PCNX1: variants seen among roughly 807,000 people sequenced by gnomAD.
The protein encoded by PCNX1 is pecanex 1.
In PCNX1, 78 loss-of-function variants were observed where a neutral mutation model predicts 242.2. The observed-to-expected ratio is 0.32, with a 90% CI of 0.27 to 0.39. PCNX1 has a LOEUF of 0.39. Ranked by LOEUF, PCNX1 falls within the 10% of genes least tolerant of loss-of-function variation. The pLI is 1.00. For missense variants in PCNX1, 2,581 were observed against 2,856.5 expected, an observed-to-expected ratio of 0.90 and a Z score of 2.20; for synonymous variants, 1,024 against 1,032.9, an observed-to-expected ratio of 0.99 and a Z score of 0.17.
At position 70,991,868 on chromosome 14, in the gene PCNX1, A is replaced by G. The variant is rs534834154; in HGVS notation, c.2444+3169A>G. On this transcript the variant is annotated intron_variant, in intron 7 of 35. Coordinates refer to ENST00000304743, the MANE Select transcript of PCNX1 (RefSeq NM_014982.3). ...GTAGATGTGGCAACACTTTCATTAC[A>G]AGTGCTATATAAATACTAGTAAATA... Among the ~76,000 whole-genome samples the G allele has an allele frequency of 3.3e-5, 5 of 152,330 alleles. No individual in the cohort carries two copies. The South Asian group carries it at 1.0e-3, about 32-fold the overall frequency.
intron 30 of PCNX1, among the ~76,000 whole-genome samples, chr14:71,099,044 A>G (rs900758450): frequency 6.6e-6 from 1 of 152,158 alleles, no homozygotes; most frequent in African/African-American, 2.4e-5. Context: ...CGCAAAAGTC[A>G]TTCACAAGAA....
intron 3 of PCNX1, among the ~76,000 whole-genome samples, chr14:70,967,222 A>G (rs905885018): frequency 4.6e-5 from 7 of 152,228 alleles, no homozygotes; most frequent in Admixed American, 6.5e-5. Context: ...TGTCCCTTCA[A>G]AGTCAACATT....
In PCNX1 at chr14:71,018,894, A is replaced by C; in HGVS notation, c.2997-115A>C. ...AAAACCTTGTTCAAACTCAGTACCA[A>C]AAAGACATCTTGGCATACCATGAAC... On this transcript the variant is annotated intron_variant, in intron 11 of 35. Transcript: ENST00000304743. 3 of 848,524 alleles carry C rather than the reference A, an allele frequency of 3.5e-6. No homozygotes were observed. The South Asian group carries it at 6.1e-5, about 17-fold the overall frequency. The allele number at this position is 848,524 out of a possible 1,614,324, so 52.6% of individuals were successfully genotyped here. A position where few individuals can be genotyped will look rare whatever the true frequency, so the allele number is the denominator to read the frequency against.
At chr14:70,930,039 GT>G (rs370922208) in intron 1 of PCNX1, among the ~76,000 whole-genome samples, 8 of 151,938 alleles carry the variant, frequency 5.3e-5, no homozygotes, top group Non-Finnish European at 7.4e-5. Flanking sequence ...TATTTGTTGG[GT>G]TTTTTTCTTC....
rs542246464 is a variant in PCNX1 at position 71,060,976 on chromosome 14, CTG to C, written c.4852+3254_4852+3255del. On this transcript the variant is annotated intron_variant, in intron 26 of 35. Coordinates refer to ENST00000304743, the MANE Select transcript of PCNX1 (RefSeq NM_014982.3). ...ATGTGAAAGCTGGTGAGTGGTGAGTCTGTAAATGCTGATGTGAAAGCAGCTGA... is the reference window on the plus strand; with the variant it reads ...ATGTGAAAGCTGGTGAGTGGTGAGTCTAAATGCTGATGTGAAAGCAGCTGA... Among the ~76,000 whole-genome samples, 3 of 152,226 alleles carry C rather than the reference CTG, an allele frequency of 2.0e-5. No individual in the cohort carries two copies. In the South Asian group the frequency reaches 6.2e-4, roughly 32 times the overall value.
At position 71,111,640 on chromosome 14, in the gene PCNX1, A is replaced by C. The variant is rs2062755332; in HGVS notation, c.*1705A>C. The stretch of plus-strand genomic sequence containing the variant: ...ACATTATAGCATAACATTACAGTAG[A>C]AGGAATGAAAACTAAGAAAGTAAAT... On this transcript the variant is annotated 3_prime_UTR_variant, in exon 36 of 36. Coordinates refer to ENST00000304743, the MANE Select transcript of PCNX1 (RefSeq NM_014982.3). The C allele has an allele frequency of 2.6e-5, 4 of 152,262 alleles. No individual in the cohort carries two copies. Among genetic ancestry groups the C allele is most frequent in the Admixed American group, 1.3e-4 (2 of 15,298 alleles). The allele number at this position is 152,262 out of a possible 1,614,324, so 9.4% of individuals were successfully genotyped here.
In PCNX1 at chr14:70,988,692, C is replaced by T. The variant is rs1257025873; in HGVS notation, c.2437C>T (p.Pro813Ser). 12 of 1,612,958 alleles carry T rather than the reference C, an allele frequency of 7.4e-6. No homozygotes were observed. The highest frequency in any genetic ancestry group is 9.3e-6 in the Non-Finnish European group (11 of 1,179,094). ...CCCTCCTACATTGCTCATCGGATCA[C>T]CCCTAAGGTATGGTATTTTCAATTC... ...PTPPTLLIGS[P>S]LSLQDGQQGQ... The change falls in exon 7 of 36, where the codon CCC becomes TCC. Residue 813 changes from proline (P) to serine (S), a missense_variant. Pro to Ser is a moderately conservative substitution (Grantham distance 74, BLOSUM62 -1). This residue lies in a region of PCNX1 where 1,204 missense variants were observed against 1,216.7 expected (regional missense o/e 0.99). Coordinates refer to ENST00000304743, the MANE Select transcript of PCNX1 (RefSeq NM_014982.3).
intron 1 of PCNX1, among the ~76,000 whole-genome samples, chr14:70,943,867 G>A (rs2057360567): frequency 6.6e-6 from 1 of 152,228 alleles, no homozygotes; most frequent in Admixed American, 6.5e-5. Flanking sequence ...CCAATGTGCA[G>A]CTCAGGCTGT....
chr14:71,048,940 T>C, intron 22 of PCNX1: 1 of 453,994 alleles, frequency 2.2e-6, no homozygotes, highest in Non-Finnish European at 2.9e-6. Flanking sequence ...TTCAATATTA[T>C]ATCTGTTCAG....
Position 71,050,734 on chromosome 14 carries a change from CT to C in PCNX1, c.4425del (p.Phe1475LeufsTer27). On this transcript the variant is annotated frameshift_variant, in exon 23 of 36. Coordinates refer to ENST00000304743, the MANE Select transcript of PCNX1 (RefSeq NM_014982.3). LOFTEE classifies it high-confidence loss of function. The part of the protein sequence containing the change: ...WQITWGSAFH[A>X]FAQPFAVPHS... The stretch of plus-strand genomic sequence containing the variant: ...ATCACATGGGGTTCTGCTTTCCATG[CT>C]TTTGCTCAGCCTTTTGCAGTGCCTC... The C allele has an allele frequency of 6.2e-7, 1 of 1,613,586 alleles. No individual in the cohort carries two copies. The highest frequency in any genetic ancestry group is 8.5e-7 in the Non-Finnish European group (1 of 1,179,798).
At chr14:70,962,662 A>T (rs2058258554) in intron 3 of PCNX1, among the ~76,000 whole-genome samples, 1 of 138,952 alleles carries the variant, frequency 7.2e-6, no homozygotes. Context: ...GGTTACCCCC[A>T]GTTTAAACGT....
chr14:70,967,845 T>C (rs995644236), intron 3 of PCNX1, among the ~76,000 whole-genome samples: 1 of 152,146 alleles, frequency 6.6e-6, no homozygotes, highest in Non-Finnish European at 1.5e-5. Flanking sequence ...TAAAGCCTGG[T>C]TTTGCTTTTG....
chr14:71,026,798 T>G lies in PCNX1; in HGVS notation c.3382T>G (p.Phe1128Val). 1 of 1,541,280 alleles carries G rather than the reference T, an allele frequency of 6.5e-7. No individual in the cohort carries two copies. Among genetic ancestry groups the G allele is most frequent in the South Asian group, 1.1e-5 (1 of 88,882 alleles). Residue 1128 changes from phenylalanine (F) to valine (V), a missense_variant, in exon 15 of 36, where the codon TTT (phenylalanine) becomes GTT (valine). By Grantham distance (50) the Phe-to-Val change is conservative. Around this residue, in one of 9 missense-constraint regions of PCNX1, gnomAD observed 432 missense variants for 443.1 expected, o/e 0.97. Coordinates refer to ENST00000304743, the MANE Select transcript of PCNX1 (RefSeq NM_014982.3). Reference sequence around the variant, plus strand: ...GTTTACACTCTGTTTCCCAATAGTGTTTTTCATTGGTCTCCTGCCTCAGGT... The same window carrying G: ...GTTTACACTCTGTTTCCCAATAGTGGTTTTCATTGGTCTCCTGCCTCAGGT... Reference protein sequence around the residue: ...IVFTLCFPIVFFIGLLPQVNT... With the variant: ...IVFTLCFPIVVFIGLLPQVNT...
chr14:71,108,802 C>G lies in PCNX1; in HGVS notation c.6500C>G (p.Ser2167Cys). The G allele has an allele frequency of 6.2e-7, 1 of 1,614,272 alleles. No individual in the cohort carries two copies. Among genetic ancestry groups the G allele is most frequent in the Non-Finnish European group, 8.5e-7 (1 of 1,180,046 alleles). The part of the protein sequence containing the change: ...SLRNLPSSIQ[S>C]RLSMVNQMEP... ...CGAAACTTGCCATCATCCATCCAATCCCGACTGTCGATGGTGAACCAAATG... is the reference window on the plus strand; with the variant it reads ...CGAAACTTGCCATCATCCATCCAATGCCGACTGTCGATGGTGAACCAAATG... Residue 2167 changes from serine (S) to cysteine (C), a missense_variant, in exon 34 of 36, where the codon TCC becomes TGC. Around this residue, in one of 9 missense-constraint regions of PCNX1, gnomAD observed 432 missense variants for 433.6 expected, o/e 1.00. Coordinates refer to ENST00000304743, the MANE Select transcript of PCNX1 (RefSeq NM_014982.3).
At chr14:70,923,905 TGTC>T (rs1394549458) in intron 1 of PCNX1, among the ~76,000 whole-genome samples, 2 of 152,282 alleles carry the variant, frequency 1.3e-5, no homozygotes, top group Middle Eastern at 3.4e-3. Flanking sequence ...AGGATTGCTT[TGTC>T]AAAGGGCTAA....
intron 18 of PCNX1, among the ~76,000 whole-genome samples, chr14:71,035,384 T>C (rs1249891204): frequency 6.6e-6 from 1 of 152,240 alleles, no homozygotes. Context: ...ATTTCTTTGG[T>C]ATTACAGTGT....
rs146298176 is a variant in PCNX1, at chr14:70,953,959, G to A, written c.362+6836G>A. On this transcript the variant is annotated intron_variant, in intron 2 of 35. Transcript: ENST00000304743. The stretch of plus-strand genomic sequence containing the variant: ...CTGGGATTACAGGCGTGATCCACGC[G>A]CCTGGCTAGCATTTTTGTGTCTGAA... Among the ~76,000 whole-genome samples, 17 of 152,190 alleles carry A rather than the reference G, an allele frequency of 1.1e-4. No homozygotes were observed. The East Asian group carries it at 1.5e-3, about 14-fold the overall frequency.
chr14:71,049,351 A>G (rs768805103), intron 22 of PCNX1, among the ~76,000 whole-genome samples: 17 of 152,202 alleles, frequency 1.1e-4, no homozygotes, highest in Non-Finnish European at 1.8e-4. Context: ...GAATTTAACA[A>G]TGATAATCAG....
At chr14:70,956,931 A>G (rs1445316437) in intron 2 of PCNX1, among the ~76,000 whole-genome samples, 1 of 152,166 alleles carries the variant, frequency 6.6e-6, no homozygotes, top group African/African-American at 2.4e-5. Context: ...AGAAAATGCA[A>G]ATAAAGCACG....
Sources: gnomAD v4.1 joint callset for allele counts (sites outside exome capture counted in the v4.1 genomes callset) on GRCh38, gnomAD v4.1.1 for gene constraint, gnomAD v4.1.1 regional missense constraint, MANE v1.5 for transcripts, NCBI Gene and HGNC (gene_info 2026-07-23, HGNC 2026-07-21) for gene names.